Variants in ATR observed in about 807,000 individuals in gnomAD.
ATR encodes the protein ATR checkpoint kinase.
Under a neutral mutation model 305.3 loss-of-function variants are expected in ATR, and 142 were observed. The observed-to-expected ratio is 0.47, with a 90% CI of 0.41 to 0.53. The LOEUF is 0.53. Among genes scored for constraint, ATR ranks in the 20% least tolerant of loss-of-function variants. ATR has a pLI of 0.00. For missense variants in ATR, 2,135 were observed against 3,133.1 expected (o/e 0.68, Z 7.60); for synonymous variants, 1,050 against 1,068.1 (o/e 0.98, Z 0.33).
chr3:142,522,849 A>AG lies in ATR; in HGVS notation c.4153-9dup, dbSNP rs1265699080. 7 of 1,583,218 alleles carry AG rather than the reference A, an allele frequency of 4.4e-6. No homozygotes were observed. Among genetic ancestry groups the AG allele is most frequent in the Non-Finnish European group, 4.3e-6 (5 of 1,152,898 alleles). ...TGAATCTTCTACTCCAGTCTCAATC[A>AG]GAAAAAAAAAAAAGAAAATTCCAGG... is the stretch of plus-strand genomic sequence containing the variant. On this transcript the variant is annotated splice_polypyrimidine_tract_variant and intron_variant, in intron 22 of 46. Coordinates refer to ENST00000350721, the MANE Select transcript of ATR (RefSeq NM_001184.4).
chr3:142,466,856 C>T (rs571494536), intron 39 of ATR, among the ~76,000 whole-genome samples: 52 of 152,268 alleles, frequency 3.4e-4, no homozygotes, highest in Middle Eastern at 6.8e-3. Flanking sequence ...AGGTTACCCT[C>T]AGTGGAAATA....
intron 21 of ATR, among the ~76,000 whole-genome samples, chr3:142,528,853 T>TCATA (rs1465208739): frequency 5.1e-5 from 5 of 98,504 alleles, no homozygotes; most frequent in African/African-American, 2.8e-4. Flanking sequence ...TCTGGAATTA[T>TCATA]CATATATATA....
At chr3:142,493,560 A>C (rs370239071) in intron 34 of ATR, among the ~76,000 whole-genome samples, 64 of 152,296 alleles carry the variant, frequency 4.2e-4, no homozygotes, top group African/African-American at 1.4e-3. Context: ...GGATTCAACC[A>C]ACAGTGGATA....
chr3:142,561,572 A>G (rs2034879967), intron 4 of ATR, 151 bp from the exon 5 acceptor site: 1 of 779,152 alleles, frequency 1.3e-6, no homozygotes, highest in East Asian at 2.7e-5. Flanking sequence ...AAATTGATCT[A>G]TATTATTTAA....
At chr3:142,451,802 T>C in intron 46 of ATR, 1 of 1,246,916 alleles carries the variant, frequency 8.0e-7, no homozygotes, top group Middle Eastern at 3.0e-4. Flanking sequence ...TCCAGTTAGA[T>C]ATGTATATAG....
intron 35 of ATR, among the ~76,000 whole-genome samples, chr3:142,485,546 C>T (rs2030860958): frequency 6.6e-6 from 1 of 152,070 alleles, no homozygotes; most frequent in South Asian, 2.1e-4. Flanking sequence ...GAGAAAACTC[C>T]ATTTATGTCA....
At chr3:142,459,716 T>C (rs558183298) in intron 42 of ATR, among the ~76,000 whole-genome samples, 1 of 152,268 alleles carries the variant, frequency 6.6e-6, no homozygotes, top group Admixed American at 6.5e-5. Flanking sequence ...TTTTCATACA[T>C]GCAGGTTCTG....
At chr3:142,547,524 A>G (rs1343641316) in intron 16 of ATR, among the ~76,000 whole-genome samples, 4 of 152,240 alleles carry the variant, frequency 2.6e-5, no homozygotes, top group Non-Finnish European at 5.9e-5. Context: ...ATAAGAAAAT[A>G]AACGTGATCT....
Position 142,449,438 on chromosome 3 carries a change from T to G in ATR, c.7926A>C (p.Pro2642=), listed in dbSNP as rs760382979. Reference sequence around the variant, plus strand: ...TTTACATAATTTCATTTCACATATATGGAGTCCAACCAAGATACATCTGGC... The same window carrying G: ...TTTACATAATTTCATTTCACATATAGGGAGTCCAACCAAGATACATCTGGC... ...LLCQMYLGWT[P]YM Residue 2642 remains proline, a synonymous_variant, in exon 47 of 47, where the codon CCA becomes CCC. Transcript: ENST00000350721. 3 of 1,606,870 alleles carry G rather than the reference T, an allele frequency of 1.9e-6. No homozygotes were observed. The highest frequency in any genetic ancestry group is 2.6e-6 in the Non-Finnish European group (3 of 1,173,382).
intron 1 of ATR, among the ~76,000 whole-genome samples, chr3:142,576,445 AT>A (rs750145712): frequency 9.2e-5 from 14 of 152,242 alleles, no homozygotes; most frequent in Non-Finnish European, 1.8e-4. Context: ...GACAGCACAG[AT>A]TAAAAGAGGG....
In ATR at chr3:142,449,386, A is replaced by C; in HGVS notation, c.*43T>G. 1.9e-6 allele frequency: 3 copies of C among 1,545,706 alleles called. No homozygotes were observed. The highest frequency in any genetic ancestry group is 1.1e-5 in the South Asian group (1 of 89,434). ...ACAACCACAGATTCATACCAAATGC[A>C]TTACTTTTAGATTATTAACATATTC... On this transcript the variant is annotated 3_prime_UTR_variant, in exon 47 of 47. Transcript: ENST00000350721.
At chr3:142,510,027 A>G (rs1334189475) in intron 27 of ATR, among the ~76,000 whole-genome samples, 1 of 151,588 alleles carries the variant, frequency 6.6e-6, no homozygotes, top group Non-Finnish European at 1.5e-5. Context: ...GAGGCACAAG[A>G]ATCGCTTAAG....
chr3:142,475,783 C>T (rs867804131), intron 36 of ATR, among the ~76,000 whole-genome samples: 2,052 of 152,156 alleles, frequency 0.013, 47 homozygotes, highest in African/African-American at 0.047. Context: ...TTTTAATGAT[C>T]GCCATTCTAA....
At chr3:142,558,004 T>C (rs757846395) in intron 8 of ATR, among the ~76,000 whole-genome samples, 5 of 152,204 alleles carry the variant, frequency 3.3e-5, no homozygotes, top group Non-Finnish European at 7.3e-5. Context: ...TTTTAAAATA[T>C]TTCTCAAATA....
At chr3:142,485,309 C>T (rs1373027303) in intron 35 of ATR, 27 bp from the exon 36 acceptor site, 4 of 1,613,264 alleles carry the variant, frequency 2.5e-6, no homozygotes, top group Non-Finnish European at 3.4e-6. Flanking sequence ...AGGATACCTA[C>T]CTAAGGAAAT....
At chr3:142,475,461 G>A (rs372726602) in intron 36 of ATR, among the ~76,000 whole-genome samples, 1 of 151,952 alleles carries the variant, frequency 6.6e-6, no homozygotes, top group African/African-American at 2.4e-5. Flanking sequence ...TATTCCATGG[G>A]GTATATGTGC....
chr3:142,565,054 T>C (rs566611334), intron 3 of ATR, among the ~76,000 whole-genome samples: 4 of 152,276 alleles, frequency 2.6e-5, no homozygotes, highest in South Asian at 2.1e-4. Context: ...GCCTATGATA[T>C]TTTCTAGTTT....
intron 35 of ATR, among the ~76,000 whole-genome samples, chr3:142,491,728 A>G (rs1047099420): frequency 2.0e-5 from 3 of 152,224 alleles, no homozygotes; most frequent in African/African-American, 4.8e-5. Flanking sequence ...ACTCCTATTT[A>G]TCTTCATCAG....
chr3:142,454,076 G>GT (rs962662776), intron 45 of ATR, among the ~76,000 whole-genome samples: 1 of 152,116 alleles, frequency 6.6e-6, no homozygotes, highest in African/African-American at 2.4e-5. Context: ...TTATAATGTA[G>GT]TAACAGGCCC....
Sources: allele counts gnomAD v4.1 joint callset (sites outside exome capture counted in the v4.1 genomes callset), GRCh38; gene constraint gnomAD v4.1.1; transcripts MANE v1.5; gene names NCBI Gene and HGNC (gene_info 2026-07-23, HGNC 2026-07-21).